HIBADH: variants seen among roughly 807,000 people sequenced by gnomAD.
HIBADH encodes 3-hydroxyisobutyrate dehydrogenase.
Under a neutral mutation model 36.1 loss-of-function variants are expected in HIBADH, and 25 were observed. That is an observed-to-expected ratio of 0.69 (90% CI 0.50 to 0.97). The LOEUF is 0.97. HIBADH is among the 50% of genes least tolerant of loss of function. The pLI is 0.00. For synonymous variants in HIBADH, 160 were observed against 149.5 expected, an observed-to-expected ratio of 1.07 and a Z score of -0.51; for missense variants, 421 against 418.0, an observed-to-expected ratio of 1.01 and a Z score of -0.06.
chr7:27,572,244 G>C (rs1784641020), intron 4 of HIBADH, among the ~76,000 whole-genome samples: 1 of 152,156 alleles, frequency 6.6e-6, no homozygotes, highest in Admixed American at 6.5e-5. Context: ...TTTGGTCACT[G>C]AAGATCTCCA....
intron 4 of HIBADH, among the ~76,000 whole-genome samples, chr7:27,603,707 CCTAA>C (rs1439412767): frequency 8.5e-5 from 13 of 152,138 alleles, no homozygotes; most frequent in African/African-American, 3.1e-4. Context: ...AGACTGAAAT[CCTAA>C]CTCTCAAATT....
rs79120309 is a variant in HIBADH, at chr7:27,658,641, A to T, written c.91+4057T>A. The stretch of plus-strand genomic sequence containing the variant: ...TCATTGTAGAAAACTAGAATGAAAA[A>T]GTATACAGTTGTAAGGGGAAGCAAT... On this transcript the variant is annotated intron_variant, in intron 1 of 7. Coordinates refer to ENST00000265395, the MANE Select transcript of HIBADH (RefSeq NM_152740.4). 4.9e-3 allele frequency among the ~76,000 whole-genome samples: 746 copies of T among 152,330 alleles called. 6 individuals are homozygous for T. Among genetic ancestry groups the T allele is most frequent in the African/African-American group, 0.017 (718 of 41,582 alleles).
At chr7:27,645,891 C>A (rs1340766147) in intron 2 of HIBADH, among the ~76,000 whole-genome samples, 1 of 152,002 alleles carries the variant, frequency 6.6e-6, no homozygotes, top group Non-Finnish European at 1.5e-5. Context: ...ATATTTTATC[C>A]CATTCTGTGA....
intron 4 of HIBADH, among the ~76,000 whole-genome samples, chr7:27,586,310 A>G (rs2391443): frequency 0.76 from 115,108 of 151,104 alleles, 44,337 homozygotes; most frequent in East Asian, 0.94. Context: ...AATCCAGAGC[A>G]ACTGCAGTGT....
chr7:27,543,455 CA>C (rs1318962323), intron 4 of HIBADH, among the ~76,000 whole-genome samples: 2 of 151,180 alleles, frequency 1.3e-5, no homozygotes, highest in Non-Finnish European at 2.9e-5. Flanking sequence ...AGAAAGTATA[CA>C]AAAAAAAAGT....
intron 4 of HIBADH, among the ~76,000 whole-genome samples, chr7:27,600,953 T>C (rs955058887): frequency 5.3e-5 from 8 of 152,112 alleles, no homozygotes; most frequent in African/African-American, 1.7e-4. Context: ...GTAAAATCTA[T>C]TGGGTAAGTG....
chr7:27,589,293 T>C (rs1033437695), intron 4 of HIBADH, among the ~76,000 whole-genome samples: 2 of 152,200 alleles, frequency 1.3e-5, no homozygotes, highest in Non-Finnish European at 2.9e-5. Flanking sequence ...GTTTTAATTT[T>C]TATAGTGAAT....
chr7:27,563,900 C>CTT (rs56869443), intron 4 of HIBADH, among the ~76,000 whole-genome samples: 3,559 of 133,458 alleles, frequency 0.027, 154 homozygotes, highest in African/African-American at 0.079. Flanking sequence ...TGTTAATTTT[C>CTT]TTTTTTTTTT....
chr7:27,560,825 T>C (rs1259523019), intron 4 of HIBADH, among the ~76,000 whole-genome samples: 1 of 152,220 alleles, frequency 6.6e-6, no homozygotes, highest in Admixed American at 6.5e-5. Context: ...TACCCAGAAG[T>C]AAAATTGCTG....
rs185784859 is a variant in HIBADH, at chr7:27,540,805, A to G, written c.618+2162T>C. ...TGAACTCATGTTATTCTGGGTGGCC[A>G]GGGGTACTGTCCAATATCAAAATAA... is the stretch of plus-strand genomic sequence containing the variant. On this transcript the variant is annotated intron_variant, in intron 5 of 7. Transcript: ENST00000265395. 9.0e-3 allele frequency among the ~76,000 whole-genome samples: 1,378 copies of G among 152,268 alleles called. 12 individuals are homozygous for G. The highest frequency in any genetic ancestry group is 0.014 in the Non-Finnish European group (952 of 68,004).
chr7:27,576,345 G>A (rs1449910356), intron 4 of HIBADH, among the ~76,000 whole-genome samples: 8 of 152,204 alleles, frequency 5.3e-5, no homozygotes, highest in Non-Finnish European at 5.9e-5. Context: ...CTATTCTAAT[G>A]ATGGAGGGCC....
intron 2 of HIBADH, among the ~76,000 whole-genome samples, chr7:27,634,135 A>T (rs1785795652): frequency 6.6e-6 from 1 of 152,232 alleles, no homozygotes; most frequent in Admixed American, 6.5e-5. Context: ...CAGTAAATCA[A>T]GTATCCTGGC....
chr7:27,535,434 C>T (rs1784058701), intron 6 of HIBADH, among the ~76,000 whole-genome samples: 1 of 152,142 alleles, frequency 6.6e-6, no homozygotes, highest in African/African-American at 2.4e-5. Flanking sequence ...TCAGCTGCTT[C>T]AAGCTTCTTT....
Position 27,632,426 on chromosome 7 carries a change from T to A in HIBADH, c.272A>T (p.Asp91Val). The change falls in exon 3 of 8, where the codon GAT (aspartate) becomes GTT (valine). Residue 91 changes from aspartate to valine, a missense_variant. Asp to Val is a radical substitution (Grantham distance 152). Transcript: ENST00000265395. Reference sequence around the variant, plus strand: ...AATTCTGTCAGCTTTTTCAGCAACATCTGCTGGGGAAGATACTACCTTTAA... The same window carrying A: ...AATTCTGTCAGCTTTTTCAGCAACAACTGCTGGGGAAGATACTACCTTTAA... ...AGEQVVSSPADVAEKADRIIT... is the reference protein window; with the variant it reads ...AGEQVVSSPAVVAEKADRIIT... The A allele has an allele frequency of 6.2e-7, 1 of 1,612,908 alleles. No homozygotes were observed. The highest frequency in any genetic ancestry group is 8.5e-7 in the Non-Finnish European group (1 of 1,179,094).
chr7:27,574,449 T>C (rs1784677594), intron 4 of HIBADH, among the ~76,000 whole-genome samples: 3 of 152,170 alleles, frequency 2.0e-5, no homozygotes, highest in Admixed American at 2.0e-4. Flanking sequence ...GGGACCTAAA[T>C]ATATTAGAAA....
intron 4 of HIBADH, among the ~76,000 whole-genome samples, chr7:27,581,202 A>T (rs540093269): frequency 6.6e-6 from 1 of 152,188 alleles, no homozygotes; most frequent in Admixed American, 6.5e-5. Flanking sequence ...AGCCAGACCA[A>T]CATGGTCATC....
chr7:27,618,524 A>AT (rs1785474646), intron 4 of HIBADH, among the ~76,000 whole-genome samples: 1 of 152,170 alleles, frequency 6.6e-6, no homozygotes, highest in Non-Finnish European at 1.5e-5. Flanking sequence ...GACCAGTGAC[A>AT]TAAGAACCTG....
chr7:27,538,450 G>GT, intron 5 of HIBADH, 33 bp from the exon 6 acceptor site: 1 of 1,572,200 alleles, frequency 6.4e-7, no homozygotes, highest in Non-Finnish European at 8.7e-7. Context: ...TTAAATATCT[G>GT]TATTTTCAAG....
At chr7:27,533,691 A>G (rs1298025637) in intron 6 of HIBADH, among the ~76,000 whole-genome samples, 1 of 152,214 alleles carries the variant, frequency 6.6e-6, no homozygotes, top group African/African-American at 2.4e-5. Flanking sequence ...TGTCATTCAG[A>G]GTCTATCCTA....
Sources: allele counts gnomAD v4.1 joint callset (sites outside exome capture counted in the v4.1 genomes callset), GRCh38; gene constraint gnomAD v4.1.1; transcripts MANE v1.5; gene names NCBI Gene and HGNC (gene_info 2026-07-23, HGNC 2026-07-21).